MRPS21: variants seen among roughly 807,000 people sequenced by gnomAD.
MRPS21 encodes small ribosomal subunit protein bS21m.
Under a neutral mutation model 9.9 loss-of-function variants are expected in MRPS21, and 8 were observed. The ratio of observed to expected loss-of-function variants is 0.81; its 90% CI spans 0.47 to 1.45. MRPS21 has a LOEUF of 1.45. Among genes scored for constraint, MRPS21 ranks in the 40% most tolerant of loss-of-function variants. The probability of loss-of-function intolerance (pLI) is 0.00; values close to 1 mark genes in which losing one functional copy is unlikely to be tolerated. For missense variants in MRPS21, 101 were observed against 118.9 expected (o/e 0.85, Z 0.70); for synonymous variants, 40 against 40.3 (o/e 0.99, Z 0.03).
chr1:150,299,444 T>TTTTGTTTG (rs369839952), intron 2 of MRPS21, among the ~76,000 whole-genome samples: 30 of 151,520 alleles, frequency 2.0e-4, no homozygotes, highest in African/African-American at 5.6e-4. Context: ...TTTTTCTGTT[T>TTTTGTTTG]TTTGTTTGTT....
At chr1:150,304,934 G>A (rs1267402161) in intron 2 of MRPS21, 8 of 324,310 alleles carry the variant, frequency 2.5e-5, no homozygotes, top group Non-Finnish European at 4.2e-5. Context: ...GGCTACTTGG[G>A]AAGCTGAGGC....
chr1:150,294,448 A>G lies in MRPS21; in HGVS notation c.82A>G (p.Arg28Gly), dbSNP rs782304499. The change falls in exon 2 of 3, where the codon AGA (arginine) becomes GGA (glycine). Residue 28 changes from arginine (R) to glycine (G), a missense_variant and splice_region_variant. Coordinates refer to ENST00000614145, the MANE Select transcript of MRPS21 (RefSeq NM_031901.6). ...NVESAYRTLN[R>G]ILTMDGLIED... is the part of the protein sequence containing the mutation. ...GGAAAGCGCATACAGGACCCTAAACAGGTAACTGTTAAGGGACCAGAATCA... is the reference window on the plus strand; with the variant it reads ...GGAAAGCGCATACAGGACCCTAAACGGGTAACTGTTAAGGGACCAGAATCA... 36 of 1,610,934 alleles carry G rather than the reference A, an allele frequency of 2.2e-5. No individual in the cohort carries two copies. The African/African-American group carries it at 4.3e-4, about 19-fold the overall frequency.
At chr1:150,301,310 G>A (rs951432767) in intron 2 of MRPS21, 2 of 286,284 alleles carry the variant, frequency 7.0e-6, no homozygotes, top group Admixed American at 4.1e-5. Context: ...ACTCCAACCT[G>A]GGGGACGAGA....
chr1:150,294,280 T>C, intron 1 of MRPS21, 55 bp from the exon 2 acceptor site: 1 of 1,233,774 alleles, frequency 8.1e-7, no homozygotes, highest in Non-Finnish European at 1.2e-6. Context: ...GTGTAGTTTG[T>C]ATTATGTTGC....
intron 2 of MRPS21, among the ~76,000 whole-genome samples, chr1:150,295,466 G>A (rs1459935166): frequency 2.0e-5 from 3 of 152,180 alleles, no homozygotes; most frequent in African/African-American, 7.2e-5. Context: ...CTCCTTTTAT[G>A]AGGAACCTGA....
At position 150,308,087 on chromosome 1, in the gene MRPS21, T is replaced by TC; in HGVS notation, c.124dup (p.Arg42ProfsTer5). The TC allele has an allele frequency of 6.2e-7, 1 of 1,601,348 alleles. No individual in the cohort carries two copies. Among genetic ancestry groups the TC allele is most frequent in the African/African-American group, 1.3e-5 (1 of 74,890 alleles). ...ATGGGCTCATTGAGGACATTAAGCA[T>TC]CGGCGGTATTATGAGAAGCCATGCT... On this transcript the variant is annotated frameshift_variant, in exon 3 of 3. Coordinates refer to ENST00000614145, the MANE Select transcript of MRPS21 (RefSeq NM_031901.6). LOFTEE classifies it high-confidence loss of function.
At position 150,308,364 on chromosome 1, in the gene MRPS21, A is replaced by G. The variant is rs1654429758; in HGVS notation, c.*136A>G. The G allele has an allele frequency of 4.7e-6, 4 of 852,674 alleles. No homozygotes were observed. Among genetic ancestry groups the G allele is most frequent in the Admixed American group, 2.9e-5 (1 of 34,958 alleles). 52.8% of individuals were successfully genotyped at this position (852,674 alleles called of 1,614,324 possible). A position where few individuals can be genotyped will look rare whatever the true frequency, so the allele number is the denominator to read the frequency against. On this transcript the variant is annotated 3_prime_UTR_variant, in exon 3 of 3. Transcript: ENST00000614145. ...CATGTCTGCAAGAAGGCCTCCAAATATAGAAACAATCCCATTAGTCAGCAG... is the reference window on the plus strand; with the variant it reads ...CATGTCTGCAAGAAGGCCTCCAAATGTAGAAACAATCCCATTAGTCAGCAG...
chr1:150,306,678 A>G (rs781840372), intron 2 of MRPS21, among the ~76,000 whole-genome samples: 1 of 152,230 alleles, frequency 6.6e-6, no homozygotes, highest in Admixed American at 6.6e-5. Context: ...TATTTTTAGT[A>G]GAGACAGGGT....
chr1:150,294,729 T>G (rs1357054610), intron 2 of MRPS21, among the ~76,000 whole-genome samples: 6 of 151,422 alleles, frequency 4.0e-5, no homozygotes, highest in African/African-American at 1.5e-4. Context: ...TGAAACCGTG[T>G]CTCTACTAAA....
chr1:150,295,359 C>G (rs1310483853), intron 2 of MRPS21, among the ~76,000 whole-genome samples: 1 of 152,148 alleles, frequency 6.6e-6, no homozygotes, highest in Non-Finnish European at 1.5e-5. Context: ...GCCTCAGTCT[C>G]CTGACTAGCT....
At chr1:150,307,671 T>A (rs1272249135) in intron 2 of MRPS21, among the ~76,000 whole-genome samples, 1 of 151,924 alleles carries the variant, frequency 6.6e-6, no homozygotes, top group Non-Finnish European at 1.5e-5. Flanking sequence ...CAGTCTCCCC[T>A]GGGCTCAAGT....
intron 2 of MRPS21, chr1:150,305,027 G>T: frequency 2.5e-6 from 1 of 395,016 alleles, no homozygotes; most frequent in Non-Finnish European, 5.0e-6. Context: ...CAACAAGTGC[G>T]CAACTCCGTC....
intron 2 of MRPS21, among the ~76,000 whole-genome samples, chr1:150,296,786 CTT>C (rs1653928417): frequency 6.6e-6 from 1 of 151,946 alleles, no homozygotes; most frequent in Non-Finnish European, 1.5e-5. Context: ...AATGGAAAGA[CTT>C]ATGGTGGTTC....
intron 2 of MRPS21, among the ~76,000 whole-genome samples, chr1:150,303,371 GACAGTATTAAAC>G (rs587626058): frequency 1.9e-3 from 290 of 152,136 alleles, no homozygotes; most frequent in Admixed American, 3.7e-3. Context: ...ACCTTCATTA[GACAGTATTAAAC>G]ACAAAGTCTC....
At position 150,308,979 on chromosome 1, in the gene MRPS21, C is replaced by T; in HGVS notation, c.*751C>T. ...CTACAATAAAAACTTTTTTGAAAGTCCAGGAGAAGTAAGGAATTTTTTTTT... is the reference window on the plus strand; with the variant it reads ...CTACAATAAAAACTTTTTTGAAAGTTCAGGAGAAGTAAGGAATTTTTTTTT... On this transcript the variant is annotated 3_prime_UTR_variant, in exon 3 of 3. Transcript: ENST00000614145. The T allele has an allele frequency of 1.4e-5, 2 of 141,248 alleles. No homozygotes were observed. Among genetic ancestry groups the T allele is most frequent in the Middle Eastern group, 1.0e-3 (2 of 1,918 alleles). The allele number at this position is 141,248 out of a possible 1,614,324, so 8.7% of individuals were successfully genotyped here. A position where few individuals can be genotyped will look rare whatever the true frequency, so the allele number is the denominator to read the frequency against.
chr1:150,296,537 C>T (rs1329921245), intron 2 of MRPS21, among the ~76,000 whole-genome samples: 2 of 152,114 alleles, frequency 1.3e-5, no homozygotes, highest in Non-Finnish European at 2.9e-5. Flanking sequence ...CTGTGAATAA[C>T]CACTCCACTC....
At chr1:150,304,310 A>C (rs1460226552) in intron 2 of MRPS21, 124,641 of 161,702 alleles carry the variant, frequency 0.77, 43,908 homozygotes, top group East Asian at 0.92. Flanking sequence ...GGCCCTGCCT[A>C]CAAAAAAAAA....
intron 2 of MRPS21, among the ~76,000 whole-genome samples, chr1:150,298,320 T>C (rs999704435): frequency 1.3e-5 from 2 of 152,230 alleles, no homozygotes; most frequent in African/African-American, 4.8e-5. Context: ...AGGCATGTAT[T>C]ACGTGTAACT....
intron 2 of MRPS21, among the ~76,000 whole-genome samples, chr1:150,300,532 G>A (rs1231032559): frequency 1.3e-5 from 2 of 152,208 alleles, no homozygotes; most frequent in South Asian, 2.1e-4. Context: ...CTGAAGTGTC[G>A]TTAACAGCAG....
Sources: gnomAD v4.1 joint callset for allele counts (sites outside exome capture counted in the v4.1 genomes callset) on GRCh38, gnomAD v4.1.1 for gene constraint, MANE v1.5 for transcripts, NCBI Gene and HGNC (gene_info 2026-07-23, HGNC 2026-07-21) for gene names.